Variants in GPHN observed in about 807,000 individuals in gnomAD.
GPHN encodes gephyrin.
Under a neutral mutation model 95.5 loss-of-function variants are expected in GPHN, and 17 were observed. That is an observed-to-expected ratio of 0.18 (90% confidence interval 0.12 to 0.27). The LOEUF (loss-of-function observed/expected upper bound fraction) is 0.27, where lower values mean the gene tolerates loss of function less well. Ranked by LOEUF, GPHN falls within the 10% of genes least tolerant of loss-of-function variation. The probability of loss-of-function intolerance (pLI) is 1.00; values close to 1 mark genes in which losing one functional copy is unlikely to be tolerated. For synonymous variants in GPHN, 320 were observed against 322.5 expected, an observed-to-expected ratio of 0.99 and a Z score of 0.08; for missense variants, 660 against 978.1, an observed-to-expected ratio of 0.67 and a Z score of 4.34.
intron 8 of GPHN, among the ~76,000 whole-genome samples, chr14:66,937,222 T>A (rs941008472): frequency 4.6e-5 from 7 of 152,068 alleles, no homozygotes; most frequent in African/African-American, 1.4e-4. Context: ...CAGGCTAGTC[T>A]CAAACTCCTG....
the GPHN span, chr14:67,385,440 A>C: frequency 1.3e-5 from 1 of 76,086 alleles, no homozygotes; most frequent in Non-Finnish European, 2.0e-5. Context: ...ACCCTGTCTC[A>C]AAAAAAAAAA....
chr14:66,531,180 A>C (rs935844568), intron 1 of GPHN, among the ~76,000 whole-genome samples: 7 of 152,080 alleles, frequency 4.6e-5, no homozygotes, highest in Non-Finnish European at 1.0e-4. Flanking sequence ...TCCTGACCTC[A>C]GGTGATCCAC....
In GPHN at chr14:66,623,267, A is replaced by AC. The variant is rs1173381968; in HGVS notation, c.65-57837dup. ...CTATAATGAGGACAGCACACGAAAG[A>AC]CCCACCCCCATAATTCAATCACCTC... is the stretch of plus-strand genomic sequence containing the variant. On this transcript the variant is annotated intron_variant, in intron 1 of 22. Transcript: ENST00000478722. Among the ~76,000 whole-genome samples the AC allele has an allele frequency of 1.7e-3, 256 of 151,222 alleles. 1 individual carries two copies. Among genetic ancestry groups the AC allele is most frequent in the East Asian group, 4.1e-3 (21 of 5,154 alleles).
intron 5 of GPHN, among the ~76,000 whole-genome samples, chr14:66,903,285 G>A (rs2065206987): frequency 6.6e-6 from 1 of 152,082 alleles, no homozygotes; most frequent in South Asian, 2.1e-4. Flanking sequence ...CCAGTGGTGG[G>A]TGCACAGATA....
intron 4 of GPHN, among the ~76,000 whole-genome samples, chr14:66,835,394 G>A (rs1463862606): frequency 6.6e-6 from 1 of 151,918 alleles, no homozygotes; most frequent in East Asian, 1.9e-4. Flanking sequence ...TGGGCATTTA[G>A]TGCTATAAAT....
intron 2 of GPHN, among the ~76,000 whole-genome samples, chr14:66,684,261 G>A (rs577012000): frequency 2.6e-4 from 39 of 152,194 alleles, no homozygotes; most frequent in South Asian, 1.5e-3. Context: ...GAATAATAGA[G>A]CAAGAAAAAT....
intron 18 of GPHN, among the ~76,000 whole-genome samples, chr14:67,144,243 AAAAAAAAATATATATATATAT>A (rs1283637827): frequency 1.5e-5 from 1 of 66,066 alleles, no homozygotes; most frequent in Admixed American, 2.1e-4. Flanking sequence ...TCTTAAAAAA[AAAAAAAAATATATATATATAT>A]ATATATATAT....
At chr14:66,960,485 G>A (rs1337525548) in intron 8 of GPHN, among the ~76,000 whole-genome samples, 1 of 151,786 alleles carries the variant, frequency 6.6e-6, no homozygotes, top group Non-Finnish European at 1.5e-5. Flanking sequence ...CTTTTTTCAA[G>A]CTTGTATTTC....
At chr14:67,621,185 G>A in the GPHN span, among the ~76,000 whole-genome samples, 1 of 152,154 alleles carries the variant, frequency 6.6e-6, no homozygotes, top group Non-Finnish European at 1.5e-5. Context: ...GGTAGAGTGA[G>A]GCAAGGTCTG....
At chr14:67,283,260 G>A in the GPHN span, among the ~76,000 whole-genome samples, 1 of 152,130 alleles carries the variant, frequency 6.6e-6, no homozygotes. Context: ...ATTAGTGTCT[G>A]CATATTTTTT....
the GPHN span, chr14:67,347,345 T>C: frequency 9.7e-4 from 1,306 of 1,340,766 alleles, 28 homozygotes; most frequent in South Asian, 0.014. Flanking sequence ...CAGAACTTAG[T>C]TCATTTAAAG....
chr14:67,038,845 C>T (rs1035689166), intron 10 of GPHN, among the ~76,000 whole-genome samples: 10 of 152,122 alleles, frequency 6.6e-5, no homozygotes, highest in Admixed American at 5.2e-4. Context: ...TTTGAAATCT[C>T]CTCATGATAT....
chr14:66,693,838 C>T (rs2067945650), intron 2 of GPHN, among the ~76,000 whole-genome samples: 1 of 152,148 alleles, frequency 6.6e-6, no homozygotes, highest in Non-Finnish European at 1.5e-5. Context: ...ATATTAAGGA[C>T]ATTTTCATAA....
chr14:67,022,541 C>CTTTTTTTTTTTTTTTTTTTTTTTT (rs1214143019), intron 9 of GPHN, among the ~76,000 whole-genome samples: 1 of 18,900 alleles, frequency 5.3e-5, no homozygotes, highest in Non-Finnish European at 1.1e-4. Flanking sequence ...ATTATTTTTC[C>CTTTTTTTTTTTTTTTTTTTTTTTT]TTTTTTTTTT....
At chr14:67,400,519 G>A in the GPHN span, among the ~76,000 whole-genome samples, 71 of 152,250 alleles carry the variant, frequency 4.7e-4, no homozygotes, top group African/African-American at 1.6e-3. Context: ...ACCACCCCCC[G>A]CCCCAACTGC....
At chr14:67,607,363 GTTTGTT>G in the GPHN span, among the ~76,000 whole-genome samples, 1 of 151,998 alleles carries the variant, frequency 6.6e-6, no homozygotes, top group Admixed American at 6.6e-5. Flanking sequence ...AGCTTTGTTT[GTTTGTT>G]TTTGTTTTTG....
At chr14:66,606,172 C>T (rs143791821) in intron 1 of GPHN, among the ~76,000 whole-genome samples, 39 of 152,114 alleles carry the variant, frequency 2.6e-4, no homozygotes, top group African/African-American at 7.0e-4. Context: ...TTTTTGTATG[C>T]GGTGAAAGGT....
the GPHN span, chr14:67,613,822 A>G: frequency 5.8e-6 from 1 of 172,398 alleles, no homozygotes; most frequent in East Asian, 1.6e-4. Flanking sequence ...ACAAATCACT[A>G]CCGCTTTGCA....
At chr14:66,609,601 T>A (rs552449185) in intron 1 of GPHN, among the ~76,000 whole-genome samples, 2 of 152,266 alleles carry the variant, frequency 1.3e-5, no homozygotes, top group South Asian at 4.1e-4. Flanking sequence ...TATAATCCCA[T>A]ATTTTTCAGA....
Sources: gnomAD v4.1 joint callset for allele counts (sites outside exome capture counted in the v4.1 genomes callset) on GRCh38, gnomAD v4.1.1 for gene constraint, MANE v1.5 for transcripts, NCBI Gene and HGNC (gene_info 2026-07-23, HGNC 2026-07-21) for gene names.